The following MAP4K4 variants were observed in gnomAD, a reference collection of about 807,000 sequenced individuals.
MAP4K4 encodes the protein mitogen-activated protein kinase kinase kinase kinase 4.
A neutral mutation model predicts 189.6 loss-of-function variants in MAP4K4; 38 were observed. The ratio of observed to expected loss-of-function variants is 0.20; its 90% CI spans 0.15 to 0.26. The LOEUF (loss-of-function observed/expected upper bound fraction) is 0.26. MAP4K4 is among the 10% of genes least tolerant of loss of function. MAP4K4 has a pLI of 1.00. For synonymous variants in MAP4K4, 610 were observed against 624.3 expected, an observed-to-expected ratio of 0.98 and a Z score of 0.34; for missense variants, 1,054 against 1,726.9, an observed-to-expected ratio of 0.61 and a Z score of 6.91.
At chr2:101,698,655 G>C (rs1367326760) in intron 2 of MAP4K4, 117 bp downstream of exon 2, 1 of 914,780 alleles carries the variant, frequency 1.1e-6, no homozygotes. Flanking sequence ...CCAAAGTTGG[G>C]AGAGGGGTTT....
intron 6 of MAP4K4, among the ~76,000 whole-genome samples, chr2:101,830,524 A>T (rs1467839394): frequency 6.6e-6 from 1 of 152,208 alleles, no homozygotes; most frequent in Non-Finnish European, 1.5e-5. Context: ...GGTCTGGTCA[A>T]CCTTTCTTTT....
chr2:101,782,192 T>C (rs2087963456), intron 2 of MAP4K4, among the ~76,000 whole-genome samples: 1 of 152,256 alleles, frequency 6.6e-6, no homozygotes, highest in Non-Finnish European at 1.5e-5. Context: ...TTTATTTTAC[T>C]TTCAGTTATC....
At chr2:101,866,679 T>G in intron 19 of MAP4K4, 100 bp downstream of exon 19, 1 of 1,407,520 alleles carries the variant, frequency 7.1e-7, no homozygotes, top group Non-Finnish European at 9.8e-7. Context: ...TAGCCACACG[T>G]CACAAAACAA....
chr2:101,766,804 C>G (rs1471344728), intron 2 of MAP4K4, among the ~76,000 whole-genome samples: 1 of 152,054 alleles, frequency 6.6e-6, no homozygotes, highest in Non-Finnish European at 1.5e-5. Flanking sequence ...GGACGGTGTC[C>G]AGGTTCTTGG....
chr2:101,862,897 G>A (rs1369086279), intron 16 of MAP4K4, among the ~76,000 whole-genome samples: 1 of 152,150 alleles, frequency 6.6e-6, no homozygotes, highest in Non-Finnish European at 1.5e-5. Context: ...AATTGATTCA[G>A]TATTTTCAGT....
intron 2 of MAP4K4, among the ~76,000 whole-genome samples, chr2:101,746,117 G>C (rs189323428): frequency 6.6e-6 from 1 of 151,782 alleles, no homozygotes; most frequent in African/African-American, 2.4e-5. Context: ...ACCCTCCTGG[G>C]TAGTTGGGAC....
Position 101,874,256 on chromosome 2 carries a change from G to T in MAP4K4, c.3241+4G>T. 6.2e-7 allele frequency: 1 copy of T among 1,604,154 alleles called. No homozygotes were observed. The highest frequency in any genetic ancestry group is 2.2e-5 in the East Asian group (1 of 44,680). On this transcript the variant is annotated splice_donor_region_variant and intron_variant, in intron 26 of 32. Coordinates refer to ENST00000324219, the Ensembl canonical transcript of MAP4K4. ...ATTCTGTGTGCTGCCTTATGGGGTA[G>T]GTGTCTAGCCACTACTCCAACACTT...
intron 2 of MAP4K4, among the ~76,000 whole-genome samples, chr2:101,731,332 G>T (rs1446397070): frequency 5.3e-5 from 8 of 151,728 alleles, no homozygotes; most frequent in African/African-American, 1.9e-4. Context: ...GGCCAGGCTG[G>T]CCTCGAACTC....
Position 101,809,942 on chromosome 2 carries a change from C to T in MAP4K4, c.181-13986C>T, listed in dbSNP as rs550182292. On this transcript the variant is annotated intron_variant, in intron 3 of 32. Coordinates refer to ENST00000324219, the Ensembl canonical transcript of MAP4K4. ...AATGGGATAATGCCAAATATACTTACTTGACATGAACACATAAGTGATTTA... is the reference window on the plus strand; with the variant it reads ...AATGGGATAATGCCAAATATACTTATTTGACATGAACACATAAGTGATTTA... Among the ~76,000 whole-genome samples the T allele has an allele frequency of 1.6e-4, 24 of 152,348 alleles. No individual in the cohort carries two copies. In the East Asian group the frequency reaches 4.1e-3, roughly 26 times the overall value.
At chr2:101,726,849 A>G (rs1298352639) in intron 2 of MAP4K4, among the ~76,000 whole-genome samples, 1 of 152,182 alleles carries the variant, frequency 6.6e-6, no homozygotes, top group Admixed American at 6.5e-5. Context: ...TTATGAAGAA[A>G]AGGGATTTGT....
intron 22 of MAP4K4, 106 bp from the exon 23 acceptor site, chr2:101,870,189 C>T (rs534448199): frequency 2.0e-5 from 23 of 1,159,908 alleles, no homozygotes; most frequent in South Asian, 4.6e-5. Flanking sequence ...GGCTTTATAT[C>T]GGTAGCCTCA....
chr2:101,849,805 A>T (rs2097222807), intron 12 of MAP4K4, among the ~76,000 whole-genome samples: 1 of 152,020 alleles, frequency 6.6e-6, no homozygotes, highest in South Asian at 2.1e-4. Flanking sequence ...TCGAGATGGG[A>T]TGCTCACTTA....
intron 2 of MAP4K4, among the ~76,000 whole-genome samples, chr2:101,763,845 C>G (rs1043854970): frequency 6.6e-6 from 1 of 152,108 alleles, no homozygotes; most frequent in African/African-American, 2.4e-5. Context: ...AAAAAGCTCT[C>G]TCCAGGTGCA....
Position 101,876,940 on chromosome 2 carries a change from A to G in MAP4K4, c.3242-63A>G, listed in dbSNP as rs536495023. On this transcript the variant is annotated intron_variant, in intron 26 of 32. Coordinates refer to ENST00000324219, the Ensembl canonical transcript of MAP4K4. Reference sequence around the variant, plus strand: ...CCAAATAGATGATGTTATCCTTTCTATACAACCTGGGGATTTGCCAAGCAC... The same window carrying G: ...CCAAATAGATGATGTTATCCTTTCTGTACAACCTGGGGATTTGCCAAGCAC... 23 of 1,559,758 alleles carry G rather than the reference A, an allele frequency of 1.5e-5. No homozygotes were observed. In the African/African-American group the frequency reaches 2.2e-4, roughly 15 times the overall value.
chr2:101,723,874 C>T (rs1244296126), intron 2 of MAP4K4, among the ~76,000 whole-genome samples: 2 of 152,108 alleles, frequency 1.3e-5, no homozygotes, highest in African/African-American at 4.8e-5. Context: ...TCATGTCAGT[C>T]CTTTGCCCTT....
intron 9 of MAP4K4, among the ~76,000 whole-genome samples, chr2:101,839,465 T>G (rs536253019): frequency 2.0e-4 from 30 of 152,322 alleles, no homozygotes; most frequent in African/African-American, 7.2e-4. Flanking sequence ...TCTGCCTTCA[T>G]TTTATCAAAG....
exon 22 of MAP4K4, chr2:101,869,778 C>T: frequency 6.4e-7 from 1 of 1,569,522 alleles, no homozygotes; most frequent in Non-Finnish European, 8.6e-7. Flanking sequence ...CACCTCAGGA[C>T]CAGAGGACAC....
At chr2:101,807,529 T>G (rs2095068708) in intron 3 of MAP4K4, among the ~76,000 whole-genome samples, 1 of 152,192 alleles carries the variant, frequency 6.6e-6, no homozygotes, top group African/African-American at 2.4e-5. Context: ...AGACTGATGG[T>G]AACCTACATG....
intron 14 of MAP4K4, 64 bp downstream of exon 14, chr2:101,859,146 G>C: frequency 6.8e-7 from 1 of 1,460,814 alleles, no homozygotes; most frequent in Non-Finnish European, 9.5e-7. Flanking sequence ...CCAAAGTTGA[G>C]CAAGCTGTGG....
Sources: gnomAD v4.1 joint callset for allele counts (sites outside exome capture counted in the v4.1 genomes callset) on GRCh38, gnomAD v4.1.1 for gene constraint, MANE v1.5 for transcripts, NCBI Gene and HGNC (gene_info 2026-07-23, HGNC 2026-07-21) for gene names.